NUDT3: variants seen among roughly 807,000 people sequenced by gnomAD.
NUDT3 encodes the protein diphosphoinositol polyphosphate phosphohydrolase 1.
A neutral mutation model predicts 23.6 loss-of-function variants in NUDT3; 9 were observed. The observed-to-expected ratio is 0.38, with a 90% CI of 0.23 to 0.66. NUDT3 has a LOEUF of 0.66. Ranked by LOEUF, NUDT3 falls within the 30% of genes least tolerant of loss-of-function variation. The pLI, the probability that NUDT3 is intolerant of heterozygous loss-of-function variation, is 0.52. For missense variants in NUDT3, 172 were observed against 218.5 expected (o/e 0.79, Z 1.34); for synonymous variants, 86 against 82.6 (o/e 1.04, Z -0.22).
intron 1 of NUDT3, among the ~76,000 whole-genome samples, chr6:34,380,121 T>C (rs1324540153): frequency 6.6e-6 from 1 of 152,226 alleles, no homozygotes; most frequent in Non-Finnish European, 1.5e-5. Context: ...TTCGCTCTTG[T>C]TGCCCAGACT....
At chr6:34,325,106 G>A (rs767750467) in intron 2 of NUDT3, among the ~76,000 whole-genome samples, 2 of 152,192 alleles carry the variant, frequency 1.3e-5, no homozygotes, top group Non-Finnish European at 1.5e-5. Context: ...TTACTTAAGG[G>A]CCTGAAAGGT....
intron 2 of NUDT3, among the ~76,000 whole-genome samples, chr6:34,329,237 CATAGAT>C (rs1581869179): frequency 6.6e-6 from 1 of 152,066 alleles, no homozygotes; most frequent in East Asian, 1.9e-4. Flanking sequence ...TACATATATA[CATAGAT>C]ATACACACAT....
rs558233308 is a variant in NUDT3, at chr6:34,283,605, T to A, written c.*5148A>T. On this transcript the variant is annotated 3_prime_UTR_variant, in exon 5 of 5. Transcript: ENST00000607016. ...AGATGCTCCAACTAGGCTTCTCACA[T>A]CCCTCAAAGGTTATCAGCTAAAGAC... The A allele has an allele frequency of 6.6e-6, 1 of 152,304 alleles. No individual in the cohort carries two copies. Among genetic ancestry groups the A allele is most frequent in the Admixed American group, 6.5e-5 (1 of 15,300 alleles). The allele number at this position is 152,304 out of a possible 1,614,324, so 9.4% of individuals were successfully genotyped here. A position where few individuals can be genotyped will look rare whatever the true frequency, so the allele number is the denominator to read the frequency against.
chr6:34,327,198 G>C (rs1035628790), intron 2 of NUDT3, among the ~76,000 whole-genome samples: 1 of 152,058 alleles, frequency 6.6e-6, no homozygotes, highest in African/African-American at 2.4e-5. Context: ...AGAGAGGGAA[G>C]GCAGCATACG....
chr6:34,309,471 T>C (rs966408045), intron 2 of NUDT3, among the ~76,000 whole-genome samples: 1 of 152,020 alleles, frequency 6.6e-6, no homozygotes, highest in African/African-American at 2.4e-5. Flanking sequence ...GCTTTTACCT[T>C]AGGAAACTAG....
intron 1 of NUDT3, among the ~76,000 whole-genome samples, chr6:34,384,074 T>C (rs1479104416): frequency 6.6e-6 from 1 of 152,190 alleles, no homozygotes; most frequent in Non-Finnish European, 1.5e-5. Context: ...GCTACCTGTG[T>C]CTTACTCTCT....
At chr6:34,293,681 T>C in intron 3 of NUDT3, 146 bp from the exon 4 acceptor site, 1 of 921,264 alleles carries the variant, frequency 1.1e-6, no homozygotes. Flanking sequence ...CAGTTATAGC[T>C]ACATGATTTA....
intron 2 of NUDT3, among the ~76,000 whole-genome samples, chr6:34,297,914 C>T (rs757420002): frequency 4.7e-4 from 70 of 150,204 alleles, no homozygotes; most frequent in Middle Eastern, 3.5e-3. Context: ...ATTTAAGAGG[C>T]CATCATTCAC....
chr6:34,391,901 G>A (rs1036176611), intron 1 of NUDT3, among the ~76,000 whole-genome samples: 1 of 152,110 alleles, frequency 6.6e-6, no homozygotes, highest in African/African-American at 2.4e-5. Flanking sequence ...GACAACTGCG[G>A]AGCGGCCCTT....
chr6:34,380,036 A>C (rs1211631319), intron 1 of NUDT3, among the ~76,000 whole-genome samples: 3 of 152,044 alleles, frequency 2.0e-5, no homozygotes, highest in Non-Finnish European at 4.4e-5. Flanking sequence ...ATATTAAAAG[A>C]AATCAGTTTT....
intron 1 of NUDT3, among the ~76,000 whole-genome samples, chr6:34,369,040 G>T (rs1030730875): frequency 6.6e-6 from 1 of 152,130 alleles, no homozygotes; most frequent in African/African-American, 2.4e-5. Flanking sequence ...AGCTGATTTT[G>T]AATTAGTTCT....
At chr6:34,294,089 G>C (rs1460122959) in intron 3 of NUDT3, among the ~76,000 whole-genome samples, 1 of 152,130 alleles carries the variant, frequency 6.6e-6, no homozygotes, top group Non-Finnish European at 1.5e-5. Flanking sequence ...CCTGAGCTTA[G>C]GTGATCTTCT....
chr6:34,297,760 A>ATATAT (rs1763535832), intron 2 of NUDT3, among the ~76,000 whole-genome samples: 2 of 53,654 alleles, frequency 3.7e-5, no homozygotes, highest in African/African-American at 2.1e-4. Context: ...TATATATATA[A>ATATAT]TTTTTTTTTT....
chr6:34,308,119 C>CAAAAAAAAAAAAAAAAAAAAAA (rs533055608), intron 2 of NUDT3, among the ~76,000 whole-genome samples: 2 of 60,124 alleles, frequency 3.3e-5, no homozygotes, highest in African/African-American at 7.3e-5. Context: ...AACTCTGTCT[C>CAAAAAAAAAAAAAAAAAAAAAA]AAAAAAAAAA....
chr6:34,314,798 T>C (rs1231154029), intron 2 of NUDT3, among the ~76,000 whole-genome samples: 1 of 152,112 alleles, frequency 6.6e-6, no homozygotes, highest in Non-Finnish European at 1.5e-5. Context: ...TTTCTAGTAA[T>C]AATAATACCT....
intron 2 of NUDT3, among the ~76,000 whole-genome samples, chr6:34,304,404 A>G (rs1763645574): frequency 8.8e-6 from 1 of 113,120 alleles, no homozygotes; most frequent in Non-Finnish European, 2.0e-5. Context: ...ATATCGAAAG[A>G]AGGAAAGGAA....
At chr6:34,361,059 T>C (rs1459290239) in intron 1 of NUDT3, among the ~76,000 whole-genome samples, 2 of 151,908 alleles carry the variant, frequency 1.3e-5, no homozygotes, top group Non-Finnish European at 2.9e-5. Context: ...CCCATTTCTA[T>C]AAAAAATTTT....
intron 2 of NUDT3, among the ~76,000 whole-genome samples, chr6:34,334,816 C>T (rs2113729558): frequency 6.6e-6 from 1 of 151,668 alleles, no homozygotes; most frequent in African/African-American, 2.4e-5. Context: ...ACCGGTAGTC[C>T]CAGCTACTCA....
Position 34,282,900 on chromosome 6 carries a change from G to A in NUDT3, c.*5853C>T, listed in dbSNP as rs1461060607. ...TCAACTGACTGCTGGAGGAACAGAA[G>A]CAATGACTTCTTTCCACCTTCTAGA... is the stretch of plus-strand genomic sequence containing the variant. On this transcript the variant is annotated 3_prime_UTR_variant, in exon 5 of 5. Coordinates refer to ENST00000607016, the MANE Select transcript of NUDT3 (RefSeq NM_006703.4). The A allele has an allele frequency of 6.6e-6, 1 of 152,206 alleles. No homozygotes were observed. The highest frequency in any genetic ancestry group is 1.5e-5 in the Non-Finnish European group (1 of 68,042). The allele number at this position is 152,206 out of a possible 1,614,324, so 9.4% of individuals were successfully genotyped here. A position where few individuals can be genotyped will look rare whatever the true frequency, so the allele number is the denominator to read the frequency against.
Sources: allele counts gnomAD v4.1 joint callset (sites outside exome capture counted in the v4.1 genomes callset), GRCh38; gene constraint gnomAD v4.1.1; transcripts MANE v1.5; gene names NCBI Gene and HGNC (gene_info 2026-07-23, HGNC 2026-07-21).